CD8B2: variants seen among roughly 807,000 people sequenced by gnomAD.
CD8B2 encodes T-cell surface glycoprotein CD8 beta-2 chain.
CD8B2 carries 11 observed loss-of-function variants against 23.7 expected under a neutral mutation model. That is an observed-to-expected ratio of 0.46 (90% confidence interval 0.29 to 0.77). The LOEUF is 0.77. Ranked by LOEUF, CD8B2 falls within the 30% of genes least tolerant of loss-of-function variation. The probability of loss-of-function intolerance (pLI) is 0.09; values close to 1 mark genes in which losing one functional copy is unlikely to be tolerated. For synonymous variants in CD8B2, 90 were observed against 109.3 expected, an observed-to-expected ratio of 0.82 and a Z score of 1.10; for missense variants, 197 against 270.5, an observed-to-expected ratio of 0.73 and a Z score of 1.91.
intron 5 of CD8B2, chr2:106,543,353 C>T (rs1042329471): frequency 1.3e-5 from 2 of 152,176 alleles, no homozygotes; most frequent in East Asian, 1.9e-4. Context: ...ATAATAAGAA[C>T]CCCTCTTTAC....
At chr2:106,497,272 C>CA (rs958163744) in intron 3 of CD8B2, among the ~76,000 whole-genome samples, 66 of 151,964 alleles carry the variant, frequency 4.3e-4, no homozygotes, top group African/African-American at 1.2e-3. Flanking sequence ...GGCCCTCTCT[C>CA]AAAAAAAAGT....
chr2:106,537,607 A>G (rs954330154), intron 5 of CD8B2, among the ~76,000 whole-genome samples: 3 of 140,130 alleles, frequency 2.1e-5, no homozygotes, highest in Non-Finnish European at 3.2e-5. Context: ...GCTTGGTTCT[A>G]TAAGTGCCCT....
chr2:106,519,793 A>T (rs1679794997), intron 5 of CD8B2, among the ~76,000 whole-genome samples: 2 of 152,334 alleles, frequency 1.3e-5, no homozygotes, highest in South Asian at 2.1e-4. Flanking sequence ...AAAAAGAAAA[A>T]AATTGCAAAA....
At chr2:106,517,706 T>C (rs1460548855) in intron 5 of CD8B2, among the ~76,000 whole-genome samples, 1 of 134,982 alleles carries the variant, frequency 7.4e-6, no homozygotes, top group Non-Finnish European at 1.6e-5. Context: ...TTCTGTTTTT[T>C]TTTTGTTTTT....
Position 106,491,245 on chromosome 2 carries a change from G to T in CD8B2, c.403+12G>T, listed in dbSNP as rs1224152826. On this transcript the variant is annotated intron_variant, in intron 2 of 5. Coordinates refer to ENST00000643224, the MANE Select transcript of CD8B2 (RefSeq NM_001349727.2). Reference sequence around the variant, plus strand: ...TCAGCTGAGTGTGGGTAAAAAGCAGGCTCAATGCTATCAGTGAGCACCGAC... The same window carrying T: ...TCAGCTGAGTGTGGGTAAAAAGCAGTCTCAATGCTATCAGTGAGCACCGAC... 1.4e-6 allele frequency: 2 copies of T among 1,437,542 alleles called. No homozygotes were observed. The highest frequency in any genetic ancestry group is 1.3e-5 in the South Asian group (1 of 79,196). The allele number at this position is 1,437,542 out of a possible 1,614,324, so 89.0% of individuals were successfully genotyped here. A position where few individuals can be genotyped will look rare whatever the true frequency, so the allele number is the denominator to read the frequency against.
intron 5 of CD8B2, among the ~76,000 whole-genome samples, chr2:106,542,670 T>G (rs1386369071): frequency 6.8e-6 from 1 of 148,114 alleles, no homozygotes; most frequent in Non-Finnish European, 1.5e-5. Flanking sequence ...ATATTATATA[T>G]GAAGTATATA....
downstream of CD8B2, among the ~76,000 whole-genome samples, chr2:106,511,350 G>A (rs1679627469): frequency 6.6e-6 from 1 of 152,164 alleles, no homozygotes; most frequent in Non-Finnish European, 1.5e-5. Flanking sequence ...GTGAGCCTGG[G>A]TTCTCTGCTC....
At chr2:106,498,018 T>C (rs547790730) in intron 3 of CD8B2, among the ~76,000 whole-genome samples, 2 of 152,324 alleles carry the variant, frequency 1.3e-5, no homozygotes, top group Admixed American at 6.5e-5. Context: ...ATCCTAGCAC[T>C]AAATTCTAGA....
chr2:106,505,191 A>G (rs1181642229), intron 5 of CD8B2, among the ~76,000 whole-genome samples: 1 of 152,162 alleles, frequency 6.6e-6, no homozygotes, highest in African/African-American at 2.4e-5. Context: ...TTTGTTCCTC[A>G]AAACAGAGAC....
Position 106,508,600 on chromosome 2 carries a change from A to G in CD8B2, c.*1660A>G, listed in dbSNP as rs984898647. 2.0e-4 allele frequency: 30 copies of G among 152,340 alleles called. No homozygotes were observed. Among genetic ancestry groups the G allele is most frequent in the Admixed American group, 8.5e-4 (13 of 15,306 alleles). The allele number at this position is 152,340 out of a possible 1,614,324, so 9.4% of individuals were successfully genotyped here. ...TTATTGAAGTGAGAAAGCACTCCAC[A>G]TGGTAGGAGTGGACCCTAAGCAGAT... On this transcript the variant is annotated 3_prime_UTR_variant, in exon 6 of 6. Transcript: ENST00000643224.
At chr2:106,520,300 G>A (rs1679804682) in intron 5 of CD8B2, among the ~76,000 whole-genome samples, 1 of 152,208 alleles carries the variant, frequency 6.6e-6, no homozygotes, top group Admixed American at 6.5e-5. Flanking sequence ...CGCTGATGGA[G>A]ACTGAAAAAT....
chr2:106,526,682 C>T (rs1679912036), intron 5 of CD8B2, among the ~76,000 whole-genome samples: 1 of 152,130 alleles, frequency 6.6e-6, no homozygotes, highest in African/African-American at 2.4e-5. Context: ...CAGAGTTTCG[C>T]TCTTGTTGCC....
chr2:106,527,044 A>T (rs1269673608), intron 5 of CD8B2, among the ~76,000 whole-genome samples: 1 of 152,258 alleles, frequency 6.6e-6, no homozygotes, highest in Non-Finnish European at 1.5e-5. Flanking sequence ...ATTCTAGTGT[A>T]CACTTGTGTG....
intron 5 of CD8B2, chr2:106,542,875 G>C (rs1680198678): frequency 6.6e-6 from 1 of 152,020 alleles, no homozygotes; most frequent in South Asian, 2.1e-4. Flanking sequence ...CAACTGAGCA[G>C]TGCCCCTAAC....
intron 5 of CD8B2, among the ~76,000 whole-genome samples, chr2:106,540,383 CATTAATGTCAATCTCAAAACAGATA>C (rs1306647160): frequency 4.6e-5 from 7 of 152,132 alleles, no homozygotes; most frequent in Admixed American, 6.5e-5. Flanking sequence ...ACCAAAGGCG[CATTAATGTCAATCTCAAAACAGATA>C]AAAATAGGAC....
rs1472882482 is a variant in CD8B2 at position 106,509,077 on chromosome 2, G to GT, written c.*2138dup. 6.6e-6 allele frequency: 1 copy of GT among 151,974 alleles called. No individual in the cohort carries two copies. The highest frequency in any genetic ancestry group is 1.5e-5 in the Non-Finnish European group (1 of 67,998). 9.4% of individuals were successfully genotyped at this position (151,974 alleles called of 1,614,324 possible). ...TTAGATGCCCTGCCCCCAGACCCAG[G>GT]TGTTTTCCATTTGATCCAGCTTTGA... On this transcript the variant is annotated 3_prime_UTR_variant, in exon 6 of 6. Transcript: ENST00000643224.
intron 1 of CD8B2, 23 bp from the exon 2 acceptor site, chr2:106,490,851 T>G: frequency 1.7e-5 from 26 of 1,553,204 alleles, no homozygotes; most frequent in Non-Finnish European, 2.2e-5. Context: ...ATGTGCGATG[T>G]CTCTGTTCTT....
chr2:106,535,100 G>A (rs1680065950), intron 5 of CD8B2: 1 of 152,230 alleles, frequency 6.6e-6, no homozygotes, highest in Non-Finnish European at 1.5e-5. Flanking sequence ...GGGATTACAG[G>A]TATGAGCCAC....
chr2:106,532,250 C>G (rs1353280601), intron 5 of CD8B2, among the ~76,000 whole-genome samples: 1 of 152,220 alleles, frequency 6.6e-6, no homozygotes, highest in African/African-American at 2.4e-5. Context: ...ATGGCCATGA[C>G]CTTGATAGGC....
Sources: allele counts gnomAD v4.1 joint callset (sites outside exome capture counted in the v4.1 genomes callset), GRCh38; gene constraint gnomAD v4.1.1; transcripts MANE v1.5; gene names NCBI Gene and HGNC (gene_info 2026-07-23, HGNC 2026-07-21).